RAPGEF2: variants seen among roughly 807,000 people sequenced by gnomAD.
RAPGEF2 encodes the protein PDZ domain containing guanine nucleotide exchange factor (GEF) 1.
A neutral mutation model predicts 186.7 loss-of-function variants in RAPGEF2; 54 were observed. The ratio of observed to expected loss-of-function variants is 0.29; its 90% CI spans 0.23 to 0.36. The LOEUF is 0.36. Among genes scored for constraint, RAPGEF2 ranks in the 10% least tolerant of loss-of-function variants. RAPGEF2 has a pLI of 1.00. For synonymous variants in RAPGEF2, 712 were observed against 705.9 expected (o/e 1.01, Z -0.14); for missense variants, 1,532 against 2,045.0 (o/e 0.75, Z 4.84).
intron 8 of RAPGEF2, among the ~76,000 whole-genome samples, chr4:159,309,269 A>G (rs1289708236): frequency 2.6e-5 from 4 of 152,128 alleles, no homozygotes; most frequent in South Asian, 4.1e-4. Context: ...GAAGTCCTCC[A>G]TTTTGATTCC....
At chr4:159,133,113 T>A (rs1341851004) in intron 1 of RAPGEF2, among the ~76,000 whole-genome samples, 1 of 152,158 alleles carries the variant, frequency 6.6e-6, no homozygotes, top group Non-Finnish European at 1.5e-5. Flanking sequence ...TTTTATTTAT[T>A]TAATGTAAAG....
intron 4 of RAPGEF2, among the ~76,000 whole-genome samples, chr4:159,218,919 G>A (rs547412560): frequency 6.6e-6 from 1 of 152,116 alleles, no homozygotes; most frequent in South Asian, 2.1e-4. Flanking sequence ...TGTTATTTTT[G>A]CAGAAGCAGG....
At chr4:159,182,973 T>G (rs1242695228) in intron 1 of RAPGEF2, among the ~76,000 whole-genome samples, 2 of 152,194 alleles carry the variant, frequency 1.3e-5, no homozygotes, top group African/African-American at 4.8e-5. Context: ...AGACTTAATA[T>G]TTTTAAGATG....
At chr4:159,250,674 T>G (rs1755214905) in intron 7 of RAPGEF2, among the ~76,000 whole-genome samples, 1 of 149,130 alleles carries the variant, frequency 6.7e-6, no homozygotes, top group African/African-American at 2.5e-5. Context: ...TCTTTTTTTT[T>G]TTTTTTTTTT....
rs148693296 is a variant in RAPGEF2, at chr4:159,223,911, T to G, written c.281+13328T>G. Among the ~76,000 whole-genome samples, 243 of 152,250 alleles carry G rather than the reference T, an allele frequency of 1.6e-3. 7 individuals carry two copies. The East Asian group carries it at 0.034, about 22-fold the overall frequency. On this transcript the variant is annotated intron_variant, in intron 4 of 29. Transcript: ENST00000691494. ...TATCCCATTTAAGTGAACTTTTTTTTTTTTTGAGACAGAGTCTCGCTCTGC... is the reference window on the plus strand; with the variant it reads ...TATCCCATTTAAGTGAACTTTTTTTGTTTTTGAGACAGAGTCTCGCTCTGC...
chr4:159,185,080 C>T (rs866682486), intron 1 of RAPGEF2, among the ~76,000 whole-genome samples: 24 of 152,134 alleles, frequency 1.6e-4, no homozygotes, highest in Non-Finnish European at 2.4e-4. Flanking sequence ...CATGAAAAGA[C>T]GCTCAACATC....
At chr4:159,147,381 TTTGG>T (rs1230289829) in intron 1 of RAPGEF2, among the ~76,000 whole-genome samples, 1 of 152,156 alleles carries the variant, frequency 6.6e-6, no homozygotes, top group Non-Finnish European at 1.5e-5. Context: ...CCTTTTTTTT[TTTGG>T]TTTATTAAAC....
intron 10 of RAPGEF2, among the ~76,000 whole-genome samples, chr4:159,323,249 T>TA (rs1765476405): frequency 6.6e-6 from 1 of 152,204 alleles, no homozygotes; most frequent in Non-Finnish European, 1.5e-5. Context: ...GGCATTATGA[T>TA]ATACATTCTG....
intron 9 of RAPGEF2, among the ~76,000 whole-genome samples, chr4:159,317,012 C>T (rs749854628): frequency 2.0e-5 from 3 of 152,178 alleles, no homozygotes; most frequent in Non-Finnish European, 2.9e-5. Flanking sequence ...ACTCCCCCAA[C>T]TCTTGGGCCA....
Position 159,255,224 on chromosome 4 carries a change from G to A in RAPGEF2, c.543+11433G>A, listed in dbSNP as rs115989774. Among the ~76,000 whole-genome samples, 465 of 152,192 alleles carry A rather than the reference G, an allele frequency of 3.1e-3. 2 individuals carry two copies. Among genetic ancestry groups the A allele is most frequent in the African/African-American group, 0.01 (419 of 41,514 alleles). On this transcript the variant is annotated intron_variant, in intron 7 of 29. Coordinates refer to ENST00000691494, the MANE Select transcript of RAPGEF2 (RefSeq NM_001394067.2). ...AAAGACAAAGTTGCCCAATGACGCC[G>A]TTCTCGGAATGTATTCCCCGTCATT...
chr4:159,220,587 C>T (rs1751436362), intron 4 of RAPGEF2, among the ~76,000 whole-genome samples: 2 of 152,192 alleles, frequency 1.3e-5, no homozygotes, highest in South Asian at 2.1e-4. Context: ...TTACTGATCG[C>T]TGTGGTCTGG....
At chr4:159,134,781 A>G (rs1214375874) in intron 1 of RAPGEF2, among the ~76,000 whole-genome samples, 2 of 152,212 alleles carry the variant, frequency 1.3e-5, no homozygotes, top group Non-Finnish European at 2.9e-5. Flanking sequence ...TTTTTAGTAA[A>G]TTCCTAGATA....
chr4:159,132,600 T>G (rs932910927), intron 1 of RAPGEF2, among the ~76,000 whole-genome samples: 1 of 152,208 alleles, frequency 6.6e-6, no homozygotes, highest in Non-Finnish European at 1.5e-5. Context: ...ATCTGACTTT[T>G]CTCATTTATG....
chr4:159,262,160 A>G (rs993645638), intron 7 of RAPGEF2, among the ~76,000 whole-genome samples: 1 of 152,228 alleles, frequency 6.6e-6, no homozygotes, highest in African/African-American at 2.4e-5. Context: ...GTCAAGTACT[A>G]GGGATAAAGC....
chr4:159,230,130 G>A (rs531701845), intron 4 of RAPGEF2, among the ~76,000 whole-genome samples: 1 of 152,234 alleles, frequency 6.6e-6, no homozygotes, highest in African/African-American at 2.4e-5. Flanking sequence ...CTGTGTAGAA[G>A]GAGAAGACTA....
At chr4:159,198,559 C>T (rs1265945929) in intron 3 of RAPGEF2, among the ~76,000 whole-genome samples, 1 of 151,786 alleles carries the variant, frequency 6.6e-6, no homozygotes, top group African/African-American at 2.4e-5. Context: ...CATTCTCGTG[C>T]CTCAGCCTCC....
chr4:159,293,141 A>G (rs1447863173), intron 7 of RAPGEF2, among the ~76,000 whole-genome samples: 1 of 152,140 alleles, frequency 6.6e-6, no homozygotes, highest in Non-Finnish European at 1.5e-5. Context: ...CTATATATGT[A>G]TTTTATGAAG....
chr4:159,301,129 T>G (rs934555262), intron 7 of RAPGEF2, among the ~76,000 whole-genome samples: 1 of 152,016 alleles, frequency 6.6e-6, no homozygotes, highest in African/African-American at 2.4e-5. Flanking sequence ...TCCCAGCACT[T>G]TAGGAGGCCA....
At chr4:159,158,931 G>A (rs1031914037) in intron 1 of RAPGEF2, among the ~76,000 whole-genome samples, 2 of 152,158 alleles carry the variant, frequency 1.3e-5, no homozygotes, top group Admixed American at 6.5e-5. Context: ...AACAATAGCC[G>A]TAGCTGTATA....
Sources: allele counts gnomAD v4.1 joint callset (sites outside exome capture counted in the v4.1 genomes callset), GRCh38; gene constraint gnomAD v4.1.1; transcripts MANE v1.5; gene names NCBI Gene and HGNC (gene_info 2026-07-23, HGNC 2026-07-21).